The following ALG9 variants were observed in gnomAD, a reference collection of about 807,000 sequenced individuals.
The protein encoded by ALG9 is alpha-1,2-mannosyltransferase ALG9.
A neutral mutation model predicts 81.8 loss-of-function variants in ALG9; 55 were observed. The ratio of observed to expected loss-of-function variants is 0.67; its 90% CI spans 0.54 to 0.84. ALG9 has a LOEUF of 0.84. Among genes scored for constraint, ALG9 ranks in the 40% least tolerant of loss-of-function variants. The probability of loss-of-function intolerance (pLI) is 0.00; values close to 1 mark genes in which losing one functional copy is unlikely to be tolerated. For missense variants in ALG9, 629 were observed against 745.0 expected, an observed-to-expected ratio of 0.84 and a Z score of 1.81; for synonymous variants, 278 against 274.3, an observed-to-expected ratio of 1.01 and a Z score of -0.13.
chr11:111,809,414 C>CGG (rs1555088714), intron 14 of ALG9, among the ~76,000 whole-genome samples: 1 of 152,022 alleles, frequency 6.6e-6, no homozygotes, highest in African/African-American at 2.4e-5. Flanking sequence ...CCTGTAATCC[C>CGG]AGCTACTTGG....
At chr11:111,869,540 G>A (rs1434748960) in intron 2 of ALG9, among the ~76,000 whole-genome samples, 12 of 151,672 alleles carry the variant, frequency 7.9e-5, no homozygotes, top group African/African-American at 2.9e-4. Context: ...TTTCCTTTAG[G>A]TATTTTAGTA....
chr11:111,820,931 C>CACAA (rs1227815986), intron 13 of ALG9, among the ~76,000 whole-genome samples: 3 of 149,724 alleles, frequency 2.0e-5, no homozygotes, highest in Non-Finnish European at 4.4e-5. Flanking sequence ...CACACACACA[C>CACAA]ACACACACAC....
Position 111,829,497 on chromosome 11 carries a change from G to A in ALG9, c.1602+6668C>T, listed in dbSNP as rs74324387. Reference sequence around the variant, plus strand: ...AAAAGAGAAAAAGGTAATAGCGGGGGAATTCAAGCCAATTTATCCATCATC... The same window carrying A: ...AAAAGAGAAAAAGGTAATAGCGGGGAAATTCAAGCCAATTTATCCATCATC... On this transcript the variant is annotated intron_variant, in intron 13 of 14. Transcript: ENST00000616540. Among the ~76,000 whole-genome samples, 567 of 152,240 alleles carry A rather than the reference G, an allele frequency of 3.7e-3. 2 individuals are homozygous for A. The highest frequency in any genetic ancestry group is 0.013 in the African/African-American group (526 of 41,532).
At position 111,783,768 on chromosome 11, in the gene ALG9, C is replaced by T. The variant is rs988805305; in HGVS notation, c.*2629G>A. 6 of 152,098 alleles carry T rather than the reference C, an allele frequency of 3.9e-5. No homozygotes were observed. Among genetic ancestry groups the T allele is most frequent in the Non-Finnish European group, 5.9e-5 (4 of 68,020 alleles). 9.4% of individuals were successfully genotyped at this position (152,098 alleles called of 1,614,324 possible). A position where few individuals can be genotyped will look rare whatever the true frequency, so the allele number is the denominator to read the frequency against. On this transcript the variant is annotated 3_prime_UTR_variant, in exon 15 of 15. Transcript: ENST00000616540. The stretch of plus-strand genomic sequence containing the variant: ...TCCTTACCTATAACATTTGGCACAG[C>T]GTTCTGCCATGTATTGTGCTCTCAC...
the ALG9 span, among the ~76,000 whole-genome samples, chr11:111,775,548 A>G: frequency 6.6e-6 from 1 of 152,276 alleles, no homozygotes; most frequent in Non-Finnish European, 1.5e-5. Context: ...CTGTTCTACT[A>G]GGACACTCTC....
At chr11:111,864,660 C>A (rs1392657313) in intron 4 of ALG9, among the ~76,000 whole-genome samples, 2 of 151,980 alleles carry the variant, frequency 1.3e-5, no homozygotes, top group African/African-American at 4.8e-5. Flanking sequence ...ACTGTTTTAT[C>A]CACACTGGCA....
intron 13 of ALG9, among the ~76,000 whole-genome samples, chr11:111,835,961 G>A (rs1267910108): frequency 6.6e-6 from 1 of 152,084 alleles, no homozygotes; most frequent in African/African-American, 2.4e-5. Flanking sequence ...ATGTTGCCCA[G>A]GCTGGTCTCG....
intron 13 of ALG9, among the ~76,000 whole-genome samples, chr11:111,833,442 A>C (rs374753325): frequency 3.9e-5 from 6 of 152,372 alleles, no homozygotes; most frequent in East Asian, 3.9e-4. Context: ...ATAATGGTAC[A>C]GTACAAACCA....
intron 13 of ALG9, among the ~76,000 whole-genome samples, chr11:111,832,272 T>A (rs1426063106): frequency 6.6e-6 from 1 of 152,148 alleles, no homozygotes; most frequent in Admixed American, 6.5e-5. Context: ...ATTTTTAATC[T>A]TTTTTTAATT....
At chr11:111,774,476 T>C in the ALG9 span, among the ~76,000 whole-genome samples, 2 of 152,238 alleles carry the variant, frequency 1.3e-5, no homozygotes, top group African/African-American at 4.8e-5. Flanking sequence ...TGCTTGTATA[T>C]GTACCAAAAA....
intron 9 of ALG9, 113 bp from the exon 10 acceptor site, chr11:111,840,922 G>C: frequency 7.9e-7 from 1 of 1,258,450 alleles, no homozygotes; most frequent in Non-Finnish European, 1.1e-6. Context: ...ACACTCCATA[G>C]AATGTTTCTA....
rs560736689 is a variant in ALG9 at position 111,832,985 on chromosome 11, T to C, written c.1602+3180A>G. On this transcript the variant is annotated intron_variant, in intron 13 of 14. Coordinates refer to ENST00000616540, the MANE Select transcript of ALG9 (RefSeq NM_024740.2). ...AATTTGAGGTTACAGTGAGCTATGA[T>C]GGCACCACTGCACTCCAGCCTGGGT... Among the ~76,000 whole-genome samples, 9 of 152,306 alleles carry C rather than the reference T, an allele frequency of 5.9e-5. No individual in the cohort carries two copies. In the South Asian group the frequency reaches 1.9e-3, roughly 32 times the overall value.
intron 13 of ALG9, among the ~76,000 whole-genome samples, chr11:111,821,479 T>C (rs974900612): frequency 1.3e-5 from 2 of 152,186 alleles, no homozygotes; most frequent in Non-Finnish European, 2.9e-5. Flanking sequence ...CTTTTCCCAA[T>C]GACTCCGCCA....
rs1946095002 is a variant in ALG9, at chr11:111,783,137, C to T, written c.*3260G>A. The stretch of plus-strand genomic sequence containing the variant: ...CATTTGCCAAGTATACCTACTCCCT[C>T]ACTCACCCCATGATCAAAGGCTATT... On this transcript the variant is annotated 3_prime_UTR_variant, in exon 15 of 15. Coordinates refer to ENST00000616540, the MANE Select transcript of ALG9 (RefSeq NM_024740.2). 6.6e-6 allele frequency: 1 copy of T among 152,156 alleles called. No individual in the cohort carries two copies. Among genetic ancestry groups the T allele is most frequent in the Non-Finnish European group, 1.5e-5 (1 of 68,060 alleles). 9.4% of individuals were successfully genotyped at this position (152,156 alleles called of 1,614,324 possible). A position where few individuals can be genotyped will look rare whatever the true frequency, so the allele number is the denominator to read the frequency against.
chr11:111,855,139 T>C (rs1958453820), intron 6 of ALG9, among the ~76,000 whole-genome samples: 1 of 152,248 alleles, frequency 6.6e-6, no homozygotes, highest in Non-Finnish European at 1.5e-5. Context: ...GCAAACTTTT[T>C]ATTTAAAGGA....
intron 14 of ALG9, among the ~76,000 whole-genome samples, chr11:111,794,177 G>A (rs1947896046): frequency 6.6e-6 from 1 of 152,216 alleles, no homozygotes; most frequent in South Asian, 2.1e-4. Flanking sequence ...TCTTGCTGAC[G>A]TCAATGAATG....
chr11:111,847,695 T>C (rs1367333033), intron 8 of ALG9, among the ~76,000 whole-genome samples: 1 of 152,156 alleles, frequency 6.6e-6, no homozygotes, highest in African/African-American at 2.4e-5. Context: ...ACTTCACAAT[T>C]CTAGTCTATC....
chr11:111,780,382 G>A (rs1335564778), downstream of ALG9, among the ~76,000 whole-genome samples: 2 of 140,604 alleles, frequency 1.4e-5, no homozygotes, highest in Admixed American at 7.4e-5. Context: ...ATAATTTGCC[G>A]TTTTTTTTTT....
At chr11:111,836,085 C>T in intron 13 of ALG9, 80 bp downstream of exon 13, 8 of 1,590,504 alleles carry the variant, frequency 5.0e-6, no homozygotes, top group Non-Finnish European at 6.0e-6. Context: ...CTCATTTTAT[C>T]AATGCTCTAA....
Sources: gnomAD v4.1 joint callset for allele counts (sites outside exome capture counted in the v4.1 genomes callset) on GRCh38, gnomAD v4.1.1 for gene constraint, MANE v1.5 for transcripts, NCBI Gene and HGNC (gene_info 2026-07-23, HGNC 2026-07-21) for gene names.